The following XKR6 variants were observed in gnomAD, a reference collection of about 807,000 sequenced individuals.
XKR6 encodes XK related 6.
A neutral mutation model predicts 56.7 loss-of-function variants in XKR6; 22 were observed. That is an observed-to-expected ratio of 0.39 (90% CI 0.28 to 0.55). The LOEUF is 0.55. Ranked by LOEUF, XKR6 falls within the 20% of genes least tolerant of loss-of-function variation. The pLI is 0.66. For synonymous variants in XKR6, 524 were observed against 387.8 expected, an observed-to-expected ratio of 1.35 and a Z score of -4.13; for missense variants, 852 against 889.0, an observed-to-expected ratio of 0.96 and a Z score of 0.53.
chr8:11,135,805 ATAAT>A (rs1194740963), intron 1 of XKR6, among the ~76,000 whole-genome samples: 2 of 152,152 alleles, frequency 1.3e-5, no homozygotes, highest in African/African-American at 4.8e-5. Flanking sequence ...CAAGATCTAA[ATAAT>A]TAAAAAAGAA....
At chr8:10,984,757 T>TATA (rs1554519601) in intron 1 of XKR6, among the ~76,000 whole-genome samples, 7 of 139,942 alleles carry the variant, frequency 5.0e-5, no homozygotes, top group South Asian at 2.3e-4. Flanking sequence ...TATATATATA[T>TATA]TTGAAGAAAT....
chr8:10,902,056 T>A (rs993313264), intron 2 of XKR6, among the ~76,000 whole-genome samples: 1 of 152,186 alleles, frequency 6.6e-6, no homozygotes, highest in Non-Finnish European at 1.5e-5. Flanking sequence ...TTCCTGCAAC[T>A]CCCTTCATGG....
intron 1 of XKR6, among the ~76,000 whole-genome samples, chr8:11,103,435 T>G (rs996434301): frequency 6.6e-6 from 1 of 152,154 alleles, no homozygotes; most frequent in Admixed American, 6.5e-5. Context: ...CAGAGCCACA[T>G]AGTTGCTCGC....
At chr8:10,990,919 T>TTTC (rs869151206) in intron 1 of XKR6, among the ~76,000 whole-genome samples, 5 of 143,600 alleles carry the variant, frequency 3.5e-5, no homozygotes, top group African/African-American at 1.3e-4. Flanking sequence ...TTTTTTTTTT[T>TTTC]CGAGACAGAG....
At chr8:11,181,984 CAT>C (rs1803010242) in intron 1 of XKR6, among the ~76,000 whole-genome samples, 1 of 152,198 alleles carries the variant, frequency 6.6e-6, no homozygotes, top group Non-Finnish European at 1.5e-5. Flanking sequence ...TCAGTATCAC[CAT>C]GTTGCCCAGG....
At chr8:11,144,720 T>C (rs1383841179) in intron 1 of XKR6, among the ~76,000 whole-genome samples, 1 of 152,020 alleles carries the variant, frequency 6.6e-6, no homozygotes, top group African/African-American at 2.4e-5. Context: ...CCTTCTTTCC[T>C]CAAAGCCGTG....
intron 1 of XKR6, chr8:11,111,789 A>C (rs972973030): frequency 6.6e-6 from 1 of 152,202 alleles, no homozygotes; most frequent in Non-Finnish European, 1.5e-5. Context: ...AAGTTACTAG[A>C]TATGTGAAAA....
chr8:11,136,117 G>A (rs942846609), intron 1 of XKR6, among the ~76,000 whole-genome samples: 2 of 152,168 alleles, frequency 1.3e-5, no homozygotes, highest in Admixed American at 1.3e-4. Context: ...ACCACCGGAA[G>A]TATCTGCGAG....
At chr8:10,949,559 G>A (rs1317961202) in intron 1 of XKR6, among the ~76,000 whole-genome samples, 2 of 152,246 alleles carry the variant, frequency 1.3e-5, no homozygotes, top group African/African-American at 4.8e-5. Context: ...CCTCCGATGT[G>A]CCAGGCACGG....
At position 11,179,025 on chromosome 8, in the gene XKR6, T is replaced by C. The variant is rs1170798870; in HGVS notation, c.764+21551A>G. Among the ~76,000 whole-genome samples, 7 of 145,872 alleles carry C rather than the reference T, an allele frequency of 4.8e-5. No homozygotes were observed. In the East Asian group the frequency reaches 5.9e-4, roughly 12 times the overall value. On this transcript the variant is annotated intron_variant, in intron 1 of 2. Coordinates refer to ENST00000416569, the MANE Select transcript of XKR6 (RefSeq NM_173683.4). ...ACCTGGCTAATTTTCTTTTTCTTTT[T>C]TTTTTTTTTTTTTTGGAGAGCTAGG...
At chr8:11,045,311 C>T (rs1303184822) in intron 1 of XKR6, among the ~76,000 whole-genome samples, 2 of 151,878 alleles carry the variant, frequency 1.3e-5, no homozygotes, top group African/African-American at 4.8e-5. Context: ...TGGTCTCGAA[C>T]TCCTAACCTC....
chr8:10,998,159 A>T (rs1798157273), intron 1 of XKR6, among the ~76,000 whole-genome samples: 1 of 151,958 alleles, frequency 6.6e-6, no homozygotes, highest in South Asian at 2.1e-4. Flanking sequence ...AGCGTCCAGC[A>T]CTCACTTCTA....
At chr8:11,028,875 G>C (rs189926425) in intron 1 of XKR6, among the ~76,000 whole-genome samples, 60 of 152,278 alleles carry the variant, frequency 3.9e-4, no homozygotes, top group African/African-American at 1.4e-3. Flanking sequence ...GCTTGTCCAA[G>C]GTCACACTGC....
At position 11,201,330 on chromosome 8, in the gene XKR6, T is replaced by G; in HGVS notation, c.10A>C (p.Lys4Gln). Residue 4 changes from lysine (K) to glutamine (Q), a missense_variant, in exon 1 of 3, where the codon AAA (lysine) becomes CAA (glutamine). Transcript: ENST00000416569. MAA[K>Q]SDGGGVGVGF... ...ACCCCCACGCCACCGCCATCGGATT[T>G]CGCCGCCATCTTGACTCTCTTCCCA... The G allele has an allele frequency of 7.1e-7, 1 of 1,405,358 alleles. No individual in the cohort carries two copies. The highest frequency in any genetic ancestry group is 9.4e-7 in the Non-Finnish European group (1 of 1,069,296). The allele number at this position is 1,405,358 out of a possible 1,614,324, so 87.1% of individuals were successfully genotyped here.
At chr8:11,132,138 C>G (rs943281319) in intron 1 of XKR6, among the ~76,000 whole-genome samples, 2 of 152,038 alleles carry the variant, frequency 1.3e-5, no homozygotes. Flanking sequence ...AATTTGCATT[C>G]CTAACAAGCT....
intron 1 of XKR6, among the ~76,000 whole-genome samples, chr8:10,993,958 G>T (rs1156411628): frequency 6.6e-6 from 1 of 152,158 alleles, no homozygotes; most frequent in East Asian, 1.9e-4. Flanking sequence ...AAACCTCTGT[G>T]CCCACCAAGC....
intron 1 of XKR6, among the ~76,000 whole-genome samples, chr8:11,040,031 C>T (rs1351718243): frequency 6.6e-6 from 1 of 152,224 alleles, no homozygotes; most frequent in Non-Finnish European, 1.5e-5. Flanking sequence ...CATCCCGCCA[C>T]CCTCTGCCTC....
intron 1 of XKR6, among the ~76,000 whole-genome samples, chr8:11,167,374 G>A (rs1006160572): frequency 1.3e-5 from 2 of 152,188 alleles, no homozygotes; most frequent in African/African-American, 4.8e-5. Flanking sequence ...GGAACAAGTA[G>A]AACGCATTCA....
Position 11,024,896 on chromosome 8 carries a change from G to A in XKR6, c.765-100066C>T, listed in dbSNP as rs569418323. Among the ~76,000 whole-genome samples, 5 of 152,364 alleles carry A rather than the reference G, an allele frequency of 3.3e-5. No homozygotes were observed. The South Asian group carries it at 1.0e-3, about 32-fold the overall frequency. On this transcript the variant is annotated intron_variant, in intron 1 of 2. Transcript: ENST00000416569. The stretch of plus-strand genomic sequence containing the variant: ...CAGAGTTACACACACATCCCAAGTT[G>A]AGACAGCACCTGTGACTGGCCTGGC...
Sources: allele counts gnomAD v4.1 joint callset (sites outside exome capture counted in the v4.1 genomes callset), GRCh38; gene constraint gnomAD v4.1.1; transcripts MANE v1.5; gene names NCBI Gene and HGNC (gene_info 2026-07-23, HGNC 2026-07-21).